Variants in PLPP4 observed in about 807,000 individuals in gnomAD.
PLPP4 encodes phospholipid phosphatase 4.
Under a neutral mutation model 32.2 loss-of-function variants are expected in PLPP4, and 20 were observed. The ratio of observed to expected loss-of-function variants is 0.62; its 90% CI spans 0.44 to 0.90. PLPP4 has a LOEUF of 0.90. Ranked by LOEUF, PLPP4 falls within the 40% of genes least tolerant of loss-of-function variation. The probability of loss-of-function intolerance (pLI) is 0.00; values close to 1 mark genes in which losing one functional copy is unlikely to be tolerated. For synonymous variants in PLPP4, 127 were observed against 133.0 expected (o/e 0.95, Z 0.31); for missense variants, 257 against 353.1 (o/e 0.73, Z 2.18).
In PLPP4 at chr10:120,590,313, C is replaced by T. The variant is rs947659953; in HGVS notation, c.*811C>T. Among the ~76,000 whole-genome samples, 2 of 152,142 alleles carry T rather than the reference C, an allele frequency of 1.3e-5. No individual in the cohort carries two copies. The highest frequency in any genetic ancestry group is 2.1e-4 in the South Asian group (1 of 4,818). On this transcript the variant is annotated 3_prime_UTR_variant, in exon 7 of 7. Coordinates refer to ENST00000398250, the MANE Select transcript of PLPP4 (RefSeq NM_001030059.3). ...GCTCTTCTGCAAGAAGTGATGTGAC[C>T]GATCTCACAGATCAGAAACCGCATG...
In PLPP4 at chr10:120,591,906, A is replaced by G. The variant is rs1005788662; in HGVS notation, c.*2404A>G. ...TTCAAATTACAGATGATGTAATAAC[A>G]TGAAGCTGGTGGTAGGATCCTCAGG... On this transcript the variant is annotated 3_prime_UTR_variant, in exon 7 of 7. Coordinates refer to ENST00000398250, the MANE Select transcript of PLPP4 (RefSeq NM_001030059.3). 5.3e-5 allele frequency among the ~76,000 whole-genome samples: 8 copies of G among 152,254 alleles called. No individual in the cohort carries two copies. Among genetic ancestry groups the G allele is most frequent in the African/African-American group, 1.9e-4 (8 of 41,464 alleles).
intron 1 of PLPP4, among the ~76,000 whole-genome samples, chr10:120,490,558 C>T (rs1844672251): frequency 6.6e-6 from 1 of 152,236 alleles, no homozygotes; most frequent in Admixed American, 6.5e-5. Context: ...GATGCCTGCC[C>T]TCAGCCTCTC....
At chr10:120,458,256 GCA>G (rs1185324341) in intron 1 of PLPP4, among the ~76,000 whole-genome samples, 1 of 152,170 alleles carries the variant, frequency 6.6e-6, no homozygotes, top group East Asian at 1.9e-4. Context: ...ACCCACACCT[GCA>G]CTGGTCCCTC....
At chr10:120,493,116 C>T (rs371134319) in intron 1 of PLPP4, among the ~76,000 whole-genome samples, 1 of 152,220 alleles carries the variant, frequency 6.6e-6, no homozygotes, top group South Asian at 2.1e-4. Context: ...CCCCAATCAT[C>T]CTCAGTGTTT....
chr10:120,545,455 T>A (rs1048211406), intron 5 of PLPP4, among the ~76,000 whole-genome samples: 1 of 152,216 alleles, frequency 6.6e-6, no homozygotes, highest in Non-Finnish European at 1.5e-5. Context: ...TTTTCTGGCC[T>A]CTGCTCACTT....
At chr10:120,553,581 C>T (rs1848007427) in intron 5 of PLPP4, among the ~76,000 whole-genome samples, 2 of 152,190 alleles carry the variant, frequency 1.3e-5, no homozygotes, top group Admixed American at 1.3e-4. Context: ...ATTAAAACAA[C>T]AAATAGCACA....
Position 120,548,446 on chromosome 10 carries a change from G to T in PLPP4, c.446-26685G>T, listed in dbSNP as rs554065635. On this transcript the variant is annotated intron_variant, in intron 5 of 6. Coordinates refer to ENST00000398250, the MANE Select transcript of PLPP4 (RefSeq NM_001030059.3). ...ATGGCTGCATAGTATTCCATGCTGT[G>T]TATGTACCACATTTTCTTTATCCAG... Among the ~76,000 whole-genome samples the T allele has an allele frequency of 5.9e-4, 90 of 152,182 alleles. 1 individual carries two copies. Among genetic ancestry groups the T allele is most frequent in the African/African-American group, 2.1e-3 (86 of 41,534 alleles).
chr10:120,479,878 G>A (rs191234157), intron 1 of PLPP4, among the ~76,000 whole-genome samples: 1 of 152,146 alleles, frequency 6.6e-6, no homozygotes, highest in Non-Finnish European at 1.5e-5. Context: ...AATAACTGGA[G>A]GTTGTAATTA....
At chr10:120,567,081 C>T (rs112467046) in intron 5 of PLPP4, among the ~76,000 whole-genome samples, 6 of 152,070 alleles carry the variant, frequency 3.9e-5, no homozygotes, top group Non-Finnish European at 1.5e-5. Context: ...TTTTGGGAAC[C>T]TTGTTTTTAT....
chr10:120,519,347 C>T (rs1846059676), intron 4 of PLPP4, among the ~76,000 whole-genome samples: 1 of 151,908 alleles, frequency 6.6e-6, no homozygotes, highest in East Asian at 1.9e-4. Context: ...TTTATCTTTC[C>T]TTCTCTTCTG....
At chr10:120,503,623 G>A (rs1453378225) in intron 1 of PLPP4, 195 bp from the exon 2 acceptor site, 1 of 1,608,336 alleles carries the variant, frequency 6.2e-7, no homozygotes, top group Non-Finnish European at 8.5e-7. Flanking sequence ...GGAAGAGTCT[G>A]CAAAGTCTCA....
intron 5 of PLPP4, among the ~76,000 whole-genome samples, chr10:120,537,987 G>C (rs1434124768): frequency 2.2e-5 from 2 of 92,478 alleles, no homozygotes; most frequent in Non-Finnish European, 4.0e-5. Context: ...GAACCACCAG[G>C]CCCTTTCTCT....
chr10:120,497,458 G>T (rs571931884), intron 1 of PLPP4, among the ~76,000 whole-genome samples: 19 of 152,136 alleles, frequency 1.2e-4, no homozygotes, highest in African/African-American at 4.3e-4. Context: ...TATGTGTGTG[G>T]GGTGTGTGTG....
At chr10:120,569,233 C>CAT (rs1480099007) in intron 5 of PLPP4, among the ~76,000 whole-genome samples, 1 of 133,966 alleles carries the variant, frequency 7.5e-6, no homozygotes, top group Non-Finnish European at 1.6e-5. Context: ...AGTGAGACTC[C>CAT]ATCTCAAAAA....
intron 5 of PLPP4, among the ~76,000 whole-genome samples, chr10:120,544,480 C>T (rs1377127568): frequency 6.6e-6 from 1 of 152,144 alleles, no homozygotes; most frequent in African/African-American, 2.4e-5. Flanking sequence ...CAACACAGAG[C>T]CCTGGTCAAG....
intron 5 of PLPP4, among the ~76,000 whole-genome samples, chr10:120,566,062 A>G (rs1022836696): frequency 6.6e-6 from 1 of 151,996 alleles, no homozygotes; most frequent in Admixed American, 6.6e-5. Context: ...TTATTCTTTT[A>G]TAATGTTTGT....
chr10:120,478,155 G>C (rs1161328881), intron 1 of PLPP4, among the ~76,000 whole-genome samples: 1 of 152,186 alleles, frequency 6.6e-6, no homozygotes, highest in Non-Finnish European at 1.5e-5. Flanking sequence ...GGTGACAGTG[G>C]GCTTGTGTGG....
intron 1 of PLPP4, among the ~76,000 whole-genome samples, chr10:120,485,379 AC>A (rs1394289813): frequency 6.6e-6 from 1 of 152,030 alleles, no homozygotes; most frequent in African/African-American, 2.4e-5. Context: ...ACTGGAGGGG[AC>A]CCCTTTGTCT....
intron 1 of PLPP4, among the ~76,000 whole-genome samples, chr10:120,463,235 C>G (rs970289594): frequency 6.6e-6 from 1 of 152,044 alleles, no homozygotes; most frequent in Non-Finnish European, 1.5e-5. Flanking sequence ...ACCATGTTAG[C>G]CAGGATGGTC....
Sources: allele counts gnomAD v4.1 joint callset (sites outside exome capture counted in the v4.1 genomes callset), GRCh38; gene constraint gnomAD v4.1.1; transcripts MANE v1.5; gene names NCBI Gene and HGNC (gene_info 2026-07-23, HGNC 2026-07-21).